Variants in S100A7A observed in about 807,000 individuals in gnomAD.
S100A7A encodes the protein S100 calcium binding protein A7A, also known as protein S100-A7A.
A neutral mutation model predicts 4.0 loss-of-function variants in S100A7A; 5 were observed. The observed-to-expected ratio is 1.26, with a 90% confidence interval of 0.66 to 2.66. S100A7A has a LOEUF of 2.66. S100A7A is among the 30% of genes most tolerant of loss of function. The pLI is 0.01. For synonymous variants in S100A7A, 52 were observed against 46.4 expected (o/e 1.12, Z -0.49); for missense variants, 159 against 125.1 (o/e 1.27, Z -1.29).
intron 1 of S100A7A, 116 bp from the exon 2 acceptor site, chr1:153,417,950 C>T: frequency 2.3e-6 from 3 of 1,314,334 alleles, no homozygotes; most frequent in Middle Eastern, 1.9e-4. Flanking sequence ...AAATCAAGTT[C>T]CTTCTGCTCC....
At chr1:153,416,610 C>T (rs957258897) in intron 1 of S100A7A, 47 bp downstream of exon 1, 27 of 445,110 alleles carry the variant, frequency 6.1e-5, no homozygotes, top group Admixed American at 7.9e-5. Context: ...GCCCAGTGCC[C>T]AGCCTGCCAT....
rs938668580 is a variant in S100A7A at position 153,421,106 on chromosome 1, C to T, written c.*1797C>T. The T allele has an allele frequency of 1.3e-5, 2 of 152,196 alleles. No individual in the cohort carries two copies. The highest frequency in any genetic ancestry group is 2.9e-5 in the Non-Finnish European group (2 of 68,054). The allele number at this position is 152,196 out of a possible 1,614,324, so 9.4% of individuals were successfully genotyped here. Reference sequence around the variant, plus strand: ...TGTTATTCCCCGAATGCGCAACATACCCCCCATCAATATATCTCAGTATTT... The same window carrying T: ...TGTTATTCCCCGAATGCGCAACATATCCCCCATCAATATATCTCAGTATTT... On this transcript the variant is annotated 3_prime_UTR_variant, in exon 3 of 3. Transcript: ENST00000368729.
chr1:153,417,953 T>C (rs1662771285), intron 1 of S100A7A, 113 bp from the exon 2 acceptor site: 3 of 1,347,616 alleles, frequency 2.2e-6, no homozygotes, highest in Non-Finnish European at 3.0e-6. Flanking sequence ...TCAAGTTCCT[T>C]CTGCTCCATC....
chr1:153,417,974 T>C, intron 1 of S100A7A, 92 bp from the exon 2 acceptor site: 1 of 1,496,946 alleles, frequency 6.7e-7, no homozygotes, highest in Non-Finnish European at 9.0e-7. Context: ...TTAGGGCTGT[T>C]TTTACTCTGT....
chr1:153,417,841 T>C lies in S100A7A; in HGVS notation c.-17-225T>C, dbSNP rs1662766962. ...ACTGTCCACAGCTGGACTTCTGCCA[T>C]CCACCTGCATCTCTTCTTGGCCCTG... On this transcript the variant is annotated intron_variant, in intron 1 of 2. Coordinates refer to ENST00000368729, the MANE Select transcript of S100A7A (RefSeq NM_176823.4). 6 of 498,854 alleles carry C rather than the reference T, an allele frequency of 1.2e-5. No homozygotes were observed. The South Asian group carries it at 1.3e-4, about 11-fold the overall frequency. The allele number at this position is 498,854 out of a possible 1,614,324, so 30.9% of individuals were successfully genotyped here. A position where few individuals can be genotyped will look rare whatever the true frequency, so the allele number is the denominator to read the frequency against.
Position 153,420,435 on chromosome 1 carries a change from C to T in S100A7A, c.*1126C>T, listed in dbSNP as rs1198275277. 1 of 152,238 alleles carries T rather than the reference C, an allele frequency of 6.6e-6. No homozygotes were observed. Among genetic ancestry groups the T allele is most frequent in the Non-Finnish European group, 1.5e-5 (1 of 68,068 alleles). The allele number at this position is 152,238 out of a possible 1,614,324, so 9.4% of individuals were successfully genotyped here. A position where few individuals can be genotyped will look rare whatever the true frequency, so the allele number is the denominator to read the frequency against. ...TCCCTATCACTCTTACTACTCTGGT[C>T]AGTCTCCAGCTAACCTCTCAATCAG... is the stretch of plus-strand genomic sequence containing the variant. On this transcript the variant is annotated 3_prime_UTR_variant, in exon 3 of 3. Coordinates refer to ENST00000368729, the MANE Select transcript of S100A7A (RefSeq NM_176823.4).
In S100A7A at chr1:153,416,928, G is replaced by A. The variant is rs541494259; in HGVS notation, c.-18+365G>A. 2.6e-5 allele frequency among the ~76,000 whole-genome samples: 4 copies of A among 152,322 alleles called. No individual in the cohort carries two copies. In the South Asian group the frequency reaches 6.2e-4, roughly 24 times the overall value. On this transcript the variant is annotated intron_variant, in intron 1 of 2. Transcript: ENST00000368729. ...CCTCCCCAGCTCTGCCCCCACAGAGGGAGGAGGGATAAGGATCCCCTGTGA... is the reference window on the plus strand; with the variant it reads ...CCTCCCCAGCTCTGCCCCCACAGAGAGAGGAGGGATAAGGATCCCCTGTGA...
Position 153,421,813 on chromosome 1 carries a change from T to A in S100A7A, c.*2504T>A, listed in dbSNP as rs922785273. The A allele has an allele frequency of 1.3e-5, 2 of 152,224 alleles. No individual in the cohort carries two copies. The highest frequency in any genetic ancestry group is 1.5e-5 in the Non-Finnish European group (1 of 68,042). 9.4% of individuals were successfully genotyped at this position (152,224 alleles called of 1,614,324 possible). A position where few individuals can be genotyped will look rare whatever the true frequency, so the allele number is the denominator to read the frequency against. On this transcript the variant is annotated 3_prime_UTR_variant, in exon 3 of 3. Coordinates refer to ENST00000368729, the MANE Select transcript of S100A7A (RefSeq NM_176823.4). ...TCCCTTTATTTTTCCAGTTCTTATT[T>A]CACCTGATAATATTCCGTCCAATTG... is the stretch of plus-strand genomic sequence containing the variant.
Position 153,419,082 on chromosome 1 carries a change from C to T in S100A7A, c.142-63C>T, listed in dbSNP as rs949237912. The T allele has an allele frequency of 9.6e-6, 15 of 1,568,022 alleles. No homozygotes were observed. The African/African-American group carries it at 1.9e-4, about 20-fold the overall frequency. ...TCTGTATCTCTGCCTCCTCCTCTCCCCTCCCAGCCCAAAACTTGTTTGTGA... is the reference window on the plus strand; with the variant it reads ...TCTGTATCTCTGCCTCCTCCTCTCCTCTCCCAGCCCAAAACTTGTTTGTGA... On this transcript the variant is annotated intron_variant, in intron 2 of 2. Coordinates refer to ENST00000368729, the MANE Select transcript of S100A7A (RefSeq NM_176823.4).
rs3014818 is a variant in S100A7A, at chr1:153,421,078, T to C, written c.*1769T>C. On this transcript the variant is annotated 3_prime_UTR_variant, in exon 3 of 3. Transcript: ENST00000368729. ...TCTGAATCCCTCCTATTCACCTTGC[T>C]GCTGTTATTCCCCGAATGCGCAACA... The C allele has an allele frequency of 0.19, 29,164 of 152,140 alleles. 4,649 individuals carry two copies. The highest frequency in any genetic ancestry group is 0.44 in the African/African-American group (18,099 of 41,390). The allele number at this position is 152,140 out of a possible 1,614,324, so 9.4% of individuals were successfully genotyped here. A position where few individuals can be genotyped will look rare whatever the true frequency, so the allele number is the denominator to read the frequency against.
rs1662889927 is a variant in S100A7A at position 153,421,184 on chromosome 1, A to C, written c.*1875A>C. ...ACTGCCTCTACCAGAAATGTCTTTT[A>C]ATACTTCTTCTGTCTCATTAACATT... is the stretch of plus-strand genomic sequence containing the variant. On this transcript the variant is annotated 3_prime_UTR_variant, in exon 3 of 3. Coordinates refer to ENST00000368729, the MANE Select transcript of S100A7A (RefSeq NM_176823.4). 1.3e-5 allele frequency: 2 copies of C among 152,178 alleles called. No homozygotes were observed. Among genetic ancestry groups the C allele is most frequent in the South Asian group, 4.1e-4 (2 of 4,828 alleles). 9.4% of individuals were successfully genotyped at this position (152,178 alleles called of 1,614,324 possible). A position where few individuals can be genotyped will look rare whatever the true frequency, so the allele number is the denominator to read the frequency against.
intron 1 of S100A7A, among the ~76,000 whole-genome samples, chr1:153,417,494 T>C (rs1662755264): frequency 6.6e-6 from 1 of 152,172 alleles, no homozygotes; most frequent in South Asian, 2.1e-4. Flanking sequence ...GAGAGGGCTG[T>C]GTTTCCTGCT....
chr1:153,417,872 G>T (rs1344688561), intron 1 of S100A7A, 194 bp from the exon 2 acceptor site: 5 of 617,266 alleles, frequency 8.1e-6, no homozygotes, highest in African/African-American at 3.7e-5. Flanking sequence ...CCCTGGCCAG[G>T]ATGGGCCGGG....
intron 1 of S100A7A, among the ~76,000 whole-genome samples, chr1:153,417,769 T>C (rs4845348): frequency 0.077 from 11,726 of 152,254 alleles, 545 homozygotes; most frequent in East Asian, 0.13. Flanking sequence ...TTAGTTCTTC[T>C]ATGTGTTGCT....
rs2101629451 is a variant in S100A7A, at chr1:153,421,974, G to A, written c.*2665G>A. On this transcript the variant is annotated 3_prime_UTR_variant, in exon 3 of 3. Coordinates refer to ENST00000368729, the MANE Select transcript of S100A7A (RefSeq NM_176823.4). The stretch of plus-strand genomic sequence containing the variant: ...ACTATTTCACACTCTCCATGCTTAT[G>A]TCAATGCAGGACTCATCACATCTAT... 1 of 152,342 alleles carries A rather than the reference G, an allele frequency of 6.6e-6. No homozygotes were observed. Among genetic ancestry groups the A allele is most frequent in the South Asian group, 2.1e-4 (1 of 4,828 alleles). The allele number at this position is 152,342 out of a possible 1,614,324, so 9.4% of individuals were successfully genotyped here. A position where few individuals can be genotyped will look rare whatever the true frequency, so the allele number is the denominator to read the frequency against.
rs993183007 is a variant in S100A7A at position 153,421,548 on chromosome 1, A to T, written c.*2239A>T. ...CTACTTTATGTAAACAGCAGTGTAA[A>T]ATCCAAAAACTTCCAGTCCTGGAGG... is the stretch of plus-strand genomic sequence containing the variant. On this transcript the variant is annotated 3_prime_UTR_variant, in exon 3 of 3. Coordinates refer to ENST00000368729, the MANE Select transcript of S100A7A (RefSeq NM_176823.4). The T allele has an allele frequency of 6.6e-6, 1 of 152,222 alleles. No individual in the cohort carries two copies. The highest frequency in any genetic ancestry group is 2.4e-5 in the African/African-American group (1 of 41,450). The allele number at this position is 152,222 out of a possible 1,614,324, so 9.4% of individuals were successfully genotyped here.
chr1:153,419,092 CA>C (rs1662821045), intron 2 of S100A7A, 52 bp from the exon 3 acceptor site: 1 of 1,593,480 alleles, frequency 6.3e-7, no homozygotes. Context: ...CCTCCCAGCC[CA>C]AAACTTGTTT....
intron 1 of S100A7A, among the ~76,000 whole-genome samples, 162 bp downstream of exon 1, chr1:153,416,725 G>T (rs1662726712): frequency 6.6e-6 from 1 of 152,324 alleles, no homozygotes; most frequent in Admixed American, 6.5e-5. Context: ...GACCCCAAAA[G>T]CCCACGTCTG....
chr1:153,416,715 G>C (rs1247610675), intron 1 of S100A7A, among the ~76,000 whole-genome samples, 152 bp downstream of exon 1: 1 of 152,216 alleles, frequency 6.6e-6, no homozygotes, highest in African/African-American at 2.4e-5. Flanking sequence ...ACCTTCACTT[G>C]ACCCCAAAAG....
Sources: allele counts gnomAD v4.1 joint callset (sites outside exome capture counted in the v4.1 genomes callset), GRCh38; gene constraint gnomAD v4.1.1; transcripts MANE v1.5; gene names NCBI Gene and HGNC (gene_info 2026-07-23, HGNC 2026-07-21).